Variants in VEPH1 observed in about 807,000 individuals in gnomAD.
VEPH1 encodes ventricular zone expressed PH domain containing 1.
Under a neutral mutation model 85.2 loss-of-function variants are expected in VEPH1, and 80 were observed. That is an observed-to-expected ratio of 0.94 (90% CI 0.78 to 1.13). VEPH1 has a LOEUF of 1.13. Among genes scored for constraint, VEPH1 ranks in the 50% most tolerant of loss-of-function variants. The pLI is 0.00. For missense variants in VEPH1, 955 were observed against 980.5 expected (o/e 0.97, Z 0.35); for synonymous variants, 297 against 348.0 (o/e 0.85, Z 1.63).
rs1481623141 is a variant in VEPH1, at chr3:157,261,314, A to AGTGTG, written c.2321_2322insCACAC (p.Val775ThrfsTer57). 6.2e-7 allele frequency: 1 copy of AGTGTG among 1,613,732 alleles called. No individual in the cohort carries two copies. The highest frequency in any genetic ancestry group is 8.5e-7 in the Non-Finnish European group (1 of 1,179,734). ...AGCGGTCCCTGCGTTTCTTGGCCACAGCCTTCACACTCTGTACTTTGCTGA... is the reference window on the plus strand; with the variant it reads ...AGCGGTCCCTGCGTTTCTTGGCCACAGTGTGGCCTTCACACTCTGTACTTTGCTGA... On this transcript the variant is annotated frameshift_variant, in exon 14 of 14. Coordinates refer to ENST00000362010, the MANE Select transcript of VEPH1 (RefSeq NM_001167912.2). LOFTEE classifies it high-confidence loss of function.
At chr3:157,287,332 A>C (rs1271423637) in intron 11 of VEPH1, among the ~76,000 whole-genome samples, 2 of 151,852 alleles carry the variant, frequency 1.3e-5, no homozygotes, top group Non-Finnish European at 2.9e-5. Context: ...GCAAGATTGC[A>C]CCACTGTACT....
chr3:157,339,197 T>C (rs1723264546), intron 9 of VEPH1, among the ~76,000 whole-genome samples: 1 of 152,206 alleles, frequency 6.6e-6, no homozygotes, highest in Non-Finnish European at 1.5e-5. Context: ...GCATCTCAAA[T>C]TCAGGCTCCA....
At chr3:157,471,877 A>T (rs553557269) in intron 2 of VEPH1, among the ~76,000 whole-genome samples, 2 of 152,054 alleles carry the variant, frequency 1.3e-5, no homozygotes, top group African/African-American at 4.8e-5. Flanking sequence ...AAATTTGTCA[A>T]TTTTGGGGCC....
In VEPH1 at chr3:157,335,438, A is replaced by C. The variant is rs575221169; in HGVS notation, c.1736-18237T>G. Among the ~76,000 whole-genome samples the C allele has an allele frequency of 6.6e-5, 10 of 152,324 alleles. No homozygotes were observed. The East Asian group carries it at 1.5e-3, about 23-fold the overall frequency. On this transcript the variant is annotated intron_variant, in intron 9 of 13. Transcript: ENST00000362010. The stretch of plus-strand genomic sequence containing the variant: ...ACAACTCCCCACAAGAAGGAAAGGA[A>C]TGTGCATGGGATAAGGAAATGCAAA...
intron 4 of VEPH1, chr3:157,442,342 C>A (rs747285699): frequency 1.3e-5 from 20 of 1,527,316 alleles, no homozygotes; most frequent in East Asian, 9.1e-5. Context: ...CTTTAATATT[C>A]TTCTTATTTT....
intron 4 of VEPH1, chr3:157,459,677 G>A: frequency 7.3e-7 from 1 of 1,377,718 alleles, no homozygotes; most frequent in Non-Finnish European, 9.4e-7. Context: ...ACAATTAACA[G>A]AGGTGTACTA....
chr3:157,490,226 A>G (rs1310376056), intron 2 of VEPH1, among the ~76,000 whole-genome samples: 2 of 152,000 alleles, frequency 1.3e-5, no homozygotes, highest in African/African-American at 4.8e-5. Flanking sequence ...TTATTAAAGA[A>G]CAGAAAAAAA....
At chr3:157,386,869 A>G (rs564092359) in intron 6 of VEPH1, among the ~76,000 whole-genome samples, 1 of 152,360 alleles carries the variant, frequency 6.6e-6, no homozygotes, top group East Asian at 1.9e-4. Flanking sequence ...ATGTCAACAC[A>G]GTGAAAATGG....
intron 9 of VEPH1, among the ~76,000 whole-genome samples, chr3:157,348,497 T>C (rs1724495932): frequency 6.6e-6 from 1 of 152,228 alleles, no homozygotes; most frequent in Non-Finnish European, 1.5e-5. Context: ...ATTTCTTTGA[T>C]GATTAGTGAT....
chr3:157,261,427 CTGGCTA>C, intron 13 of VEPH1, 57 bp from the exon 14 acceptor site: 1 of 1,586,742 alleles, frequency 6.3e-7, no homozygotes, highest in South Asian at 1.2e-5. Flanking sequence ...GCAAGGATCT[CTGGCTA>C]CTGGAGAACT....
chr3:157,350,172 C>T (rs755603044), intron 9 of VEPH1, among the ~76,000 whole-genome samples: 2 of 152,078 alleles, frequency 1.3e-5, no homozygotes, highest in African/African-American at 2.4e-5. Context: ...GAAACAGACA[C>T]GTAGACCAAT....
At chr3:157,297,038 TG>T (rs1051199415) in intron 11 of VEPH1, among the ~76,000 whole-genome samples, 5 of 152,054 alleles carry the variant, frequency 3.3e-5, no homozygotes, top group Non-Finnish European at 5.9e-5. Flanking sequence ...GAGGCTGAGG[TG>T]GGCAGATTGC....
In VEPH1 at chr3:157,443,092, GA is replaced by G; in HGVS notation, c.530-14605del. On this transcript the variant is annotated intron_variant, in intron 4 of 13. Coordinates refer to ENST00000362010, the MANE Select transcript of VEPH1 (RefSeq NM_001167912.2). ...ATAGGAACACTTGAGACTAATGAAA[GA>G]GAGAGTTGAGACCAATCTTTATTTG... is the stretch of plus-strand genomic sequence containing the variant. The G allele has an allele frequency of 2.4e-6, 3 of 1,239,214 alleles. No homozygotes were observed. In the South Asian group the frequency reaches 4.8e-5, roughly 20 times the overall value. The allele number at this position is 1,239,214 out of a possible 1,614,324, so 76.8% of individuals were successfully genotyped here.
chr3:157,342,226 C>T (rs1485808770), intron 9 of VEPH1, among the ~76,000 whole-genome samples: 1 of 152,142 alleles, frequency 6.6e-6, no homozygotes, highest in South Asian at 2.1e-4. Flanking sequence ...AAGACACAGA[C>T]TGGCAAATTG....
intron 9 of VEPH1, among the ~76,000 whole-genome samples, chr3:157,340,570 C>A (rs976552099): frequency 1.3e-5 from 2 of 152,216 alleles, no homozygotes; most frequent in Non-Finnish European, 2.9e-5. Context: ...AGAAGGCCTA[C>A]CTGCCTCTGT....
At chr3:157,369,524 A>G (rs928778982) in intron 7 of VEPH1, among the ~76,000 whole-genome samples, 1 of 152,180 alleles carries the variant, frequency 6.6e-6, no homozygotes, top group Non-Finnish European at 1.5e-5. Flanking sequence ...CTGGGGTGGT[A>G]ATGAAGTCAT....
At chr3:157,437,953 T>A in intron 4 of VEPH1, 1 of 1,519,308 alleles carries the variant, frequency 6.6e-7, no homozygotes, top group Non-Finnish European at 8.8e-7. Context: ...CCACTGCGGC[T>A]TTGTTCCGGG....
At chr3:157,313,873 A>C (rs1171798273) in intron 10 of VEPH1, 118 bp from the exon 11 acceptor site, 18 of 1,256,542 alleles carry the variant, frequency 1.4e-5, no homozygotes, top group Non-Finnish European at 1.8e-5. Flanking sequence ...TTTAATTTTA[A>C]ATGAAACAAG....
At chr3:157,314,961 A>C (rs1250269857) in intron 10 of VEPH1, among the ~76,000 whole-genome samples, 1 of 152,144 alleles carries the variant, frequency 6.6e-6, no homozygotes, top group Non-Finnish European at 1.5e-5. Context: ...TATAAATGTA[A>C]GAAGCTTTTC....
Sources: allele counts gnomAD v4.1 joint callset (sites outside exome capture counted in the v4.1 genomes callset), GRCh38; gene constraint gnomAD v4.1.1; transcripts MANE v1.5; gene names NCBI Gene and HGNC (gene_info 2026-07-23, HGNC 2026-07-21).